Variants in RCAN1 observed in about 807,000 individuals in gnomAD.
RCAN1 encodes regulator of calcineurin 1.
Under a neutral mutation model 22.9 loss-of-function variants are expected in RCAN1, and 11 were observed. The ratio of observed to expected loss-of-function variants is 0.48; its 90% confidence interval spans 0.30 to 0.79. The LOEUF (loss-of-function observed/expected upper bound fraction) is 0.79. Among genes scored for constraint, RCAN1 ranks in the 30% least tolerant of loss-of-function variants. The probability of loss-of-function intolerance (pLI) is 0.06; values close to 1 mark genes in which losing one functional copy is unlikely to be tolerated. For synonymous variants in RCAN1, 136 were observed against 142.3 expected (o/e 0.96, Z 0.32); for missense variants, 291 against 337.8 (o/e 0.86, Z 1.09).
At chr21:34,545,806 C>T (rs537671322) in intron 1 of RCAN1, among the ~76,000 whole-genome samples, 1 of 152,328 alleles carries the variant, frequency 6.6e-6, no homozygotes, top group African/African-American at 2.4e-5. Flanking sequence ...GGGAGGATAG[C>T]GGTGCCACCC....
chr21:34,615,024 G>C lies in RCAN1; in HGVS notation c.-13C>G. ...CGCCGTCCTCCATCCCCGCGCCCGC[G>C]CGACCCTGTGCGCCCCAGCGGGCTG... On this transcript the variant is annotated 5_prime_UTR_variant, in exon 1 of 4. Coordinates refer to ENST00000313806, the MANE Select transcript of RCAN1 (RefSeq NM_004414.7). 1 of 1,043,780 alleles carries C rather than the reference G, an allele frequency of 9.6e-7. No individual in the cohort carries two copies. Among genetic ancestry groups the C allele is most frequent in the South Asian group, 4.4e-5 (1 of 22,728 alleles). The allele number at this position is 1,043,780 out of a possible 1,614,324, so 64.7% of individuals were successfully genotyped here. A position where few individuals can be genotyped will look rare whatever the true frequency, so the allele number is the denominator to read the frequency against.
chr21:34,576,831 A>C (rs898314790), intron 1 of RCAN1, among the ~76,000 whole-genome samples: 24 of 152,248 alleles, frequency 1.6e-4, no homozygotes, highest in African/African-American at 5.8e-4. Context: ...CTTTGGTTCA[A>C]TTATAGGACT....
intron 1 of RCAN1, chr21:34,560,324 T>C (rs1197688716): frequency 6.6e-6 from 1 of 152,214 alleles, no homozygotes; most frequent in Non-Finnish European, 1.5e-5. Context: ...AATTCTAAAG[T>C]TCCTTCTGTG....
chr21:34,539,302 C>T (rs1985815841), intron 1 of RCAN1, among the ~76,000 whole-genome samples: 1 of 152,116 alleles, frequency 6.6e-6, no homozygotes, highest in Non-Finnish European at 1.5e-5. Flanking sequence ...AATATACATG[C>T]TAAATTCATT....
intron 1 of RCAN1, among the ~76,000 whole-genome samples, chr21:34,577,472 G>C (rs906969839): frequency 6.6e-6 from 1 of 152,014 alleles, no homozygotes; most frequent in Non-Finnish European, 1.5e-5. Context: ...GGTGGTGTGC[G>C]CCTGTAGTCC....
At chr21:34,533,781 G>A (rs968685677) in intron 1 of RCAN1, among the ~76,000 whole-genome samples, 1 of 152,236 alleles carries the variant, frequency 6.6e-6, no homozygotes, top group African/African-American at 2.4e-5. Flanking sequence ...GCCAGGGAAG[G>A]CATCCTTGAG....
intron 1 of RCAN1, among the ~76,000 whole-genome samples, chr21:34,542,426 T>C (rs1260580338): frequency 4.7e-3 from 1 of 214 alleles, no homozygotes; most frequent in Non-Finnish European, 9.4e-3. Flanking sequence ...AAGCAGCCCA[T>C]GAAGAGCCCA....
intron 1 of RCAN1, among the ~76,000 whole-genome samples, chr21:34,564,423 C>T (rs1055555409): frequency 2.0e-5 from 3 of 152,154 alleles, no homozygotes; most frequent in Non-Finnish European, 4.4e-5. Flanking sequence ...GTGAGACTGC[C>T]AGAAGGAAGG....
chr21:34,540,273 G>A (rs886497268), intron 1 of RCAN1, among the ~76,000 whole-genome samples: 9 of 152,214 alleles, frequency 5.9e-5, no homozygotes, highest in Admixed American at 3.3e-4. Flanking sequence ...TTGCTAAGGG[G>A]AAAATTCCAG....
chr21:34,602,372 C>G (rs538393403), intron 1 of RCAN1, among the ~76,000 whole-genome samples: 2 of 152,314 alleles, frequency 1.3e-5, no homozygotes, highest in South Asian at 4.1e-4. Flanking sequence ...TACCCGCACC[C>G]CATTTCACCC....
intron 1 of RCAN1, among the ~76,000 whole-genome samples, chr21:34,584,991 C>T (rs1281599004): frequency 6.6e-6 from 1 of 152,164 alleles, no homozygotes; most frequent in Non-Finnish European, 1.5e-5. Flanking sequence ...GCTCCAAGGG[C>T]AATGTTCAGT....
intron 1 of RCAN1, among the ~76,000 whole-genome samples, chr21:34,572,336 G>A (rs1009682521): frequency 6.6e-6 from 1 of 152,078 alleles, no homozygotes; most frequent in Non-Finnish European, 1.5e-5. Flanking sequence ...TACTGGAGGC[G>A]CCTGTAGCTC....
Position 34,614,598 on chromosome 21 carries a change from C to T in RCAN1, c.252+162G>A, listed in dbSNP as rs966370333. On this transcript the variant is annotated intron_variant, in intron 1 of 3. Coordinates refer to ENST00000313806, the MANE Select transcript of RCAN1 (RefSeq NM_004414.7). The surrounding 1 kb of genome is among the most constrained non-coding windows in gnomAD (Gnocchi z 6.0). ...GGACCGGGACCCTCGGGGCGCCGTC[C>T]CCACGCCCCAGCCCTGACGGGTCCG... Among the ~76,000 whole-genome samples, 8 of 151,756 alleles carry T rather than the reference C, an allele frequency of 5.3e-5. No individual in the cohort carries two copies. The East Asian group carries it at 1.6e-3, about 30-fold the overall frequency.
intron 1 of RCAN1, among the ~76,000 whole-genome samples, chr21:34,535,977 TG>T (rs1985652934): frequency 6.6e-6 from 1 of 151,764 alleles, no homozygotes; most frequent in Non-Finnish European, 1.5e-5. Flanking sequence ...TGTGTACAAA[TG>T]TACATCTTAA....
chr21:34,574,251 C>A (rs1263576111), intron 1 of RCAN1, among the ~76,000 whole-genome samples: 1 of 152,202 alleles, frequency 6.6e-6, no homozygotes, highest in Non-Finnish European at 1.5e-5. Context: ...ACACTATAAG[C>A]CAATGAGCTT....
At chr21:34,586,779 C>T (rs1013680799) in intron 1 of RCAN1, among the ~76,000 whole-genome samples, 1 of 152,030 alleles carries the variant, frequency 6.6e-6, no homozygotes, top group South Asian at 2.1e-4. Flanking sequence ...ATGGCGAAAC[C>T]CTGTCTCTAC....
At chr21:34,560,490 C>T (rs1465676611) in intron 1 of RCAN1, among the ~76,000 whole-genome samples, 1 of 152,044 alleles carries the variant, frequency 6.6e-6, no homozygotes, top group Non-Finnish European at 1.5e-5. Context: ...ACAATAGTGC[C>T]CATACTGATA....
chr21:34,537,703 T>C (rs982445958), intron 1 of RCAN1, among the ~76,000 whole-genome samples: 8 of 152,336 alleles, frequency 5.3e-5, no homozygotes, highest in African/African-American at 1.7e-4. Flanking sequence ...CCAGCCATGG[T>C]GTGAGGTGCC....
intron 1 of RCAN1, among the ~76,000 whole-genome samples, chr21:34,533,000 G>A (rs570714457): frequency 4.4e-4 from 65 of 147,262 alleles, no homozygotes; most frequent in African/African-American, 1.0e-3. Flanking sequence ...TTGCTCTGTC[G>A]CCCAGGCTGG....
Sources: allele counts gnomAD v4.1 joint callset (sites outside exome capture counted in the v4.1 genomes callset), GRCh38; gene constraint gnomAD v4.1.1; non-coding constraint Gnocchi (gnomAD v3.1); transcripts MANE v1.5; gene names NCBI Gene and HGNC (gene_info 2026-07-23, HGNC 2026-07-21).